GGCX: variants seen among roughly 807,000 people sequenced by gnomAD.
GGCX encodes gamma-glutamyl carboxylase.
GGCX carries 63 observed loss-of-function variants against 88.5 expected under a neutral mutation model. That is an observed-to-expected ratio of 0.71 (90% CI 0.58 to 0.88). The LOEUF is 0.88. Ranked by LOEUF, GGCX falls within the 40% of genes least tolerant of loss-of-function variation. The pLI, the probability that GGCX is intolerant of heterozygous loss-of-function variation, is 0.00. For synonymous variants in GGCX, 368 were observed against 365.8 expected, an observed-to-expected ratio of 1.01 and a Z score of -0.07; for missense variants, 805 against 932.9, an observed-to-expected ratio of 0.86 and a Z score of 1.79.
chr2:85,560,848 G>T lies in GGCX; in HGVS notation c.181C>A (p.Pro61Thr), dbSNP rs1692410255. The T allele has an allele frequency of 1.2e-6, 2 of 1,613,946 alleles. No individual in the cohort carries two copies. Among genetic ancestry groups the T allele is most frequent in the African/African-American group, 2.7e-5 (2 of 74,900 alleles). ...LVTLLNRPTDPASLAVFRFLF... is the reference protein window; with the variant it reads ...LVTLLNRPTDTASLAVFRFLF... ...AAACGAAAGACAGCTAAGCTTGCAG[G>T]GTCCGTTGGTCGATTCAGCAGGGTC... Residue 61 changes from proline (P) to threonine (T), a missense_variant, in exon 2 of 15, where the codon CCT becomes ACT. Around this residue, in one of 3 missense-constraint regions of GGCX, gnomAD observed 61 missense variants for 111.9 expected, o/e 0.54. Transcript: ENST00000233838.
intron 2 of GGCX, among the ~76,000 whole-genome samples, chr2:85,560,078 G>C (rs1443099671): frequency 6.6e-6 from 1 of 152,158 alleles, no homozygotes; most frequent in African/African-American, 2.4e-5. Context: ...ACTCCCTCCA[G>C]TTGAGAACTA....
Position 85,550,147 on chromosome 2 carries a change from G to A in GGCX, c.2085-21C>T, listed in dbSNP as rs2028898. ...GGAAGCTGAAAAACAGGAAAAAGCC[G>A]ACCAAGTTCAAACTCCTGTTTCACC... On this transcript the variant is annotated intron_variant, in intron 14 of 14. Transcript: ENST00000233838. The A allele has an allele frequency of 0.28, 441,029 of 1,593,924 alleles. 62,481 individuals are homozygous for A. The highest frequency in any genetic ancestry group is 0.36 in the African/African-American group (26,693 of 74,536).
intron 4 of GGCX, among the ~76,000 whole-genome samples, chr2:85,557,523 T>C (rs1420297808): frequency 6.6e-6 from 1 of 152,190 alleles, no homozygotes; most frequent in East Asian, 1.9e-4. Flanking sequence ...TTCAGAGATA[T>C]TCTATCAAAA....
At chr2:85,559,542 G>A (rs554234525) in intron 2 of GGCX, among the ~76,000 whole-genome samples, 37 of 151,966 alleles carry the variant, frequency 2.4e-4, no homozygotes, top group Admixed American at 9.8e-4. Context: ...GAAAAACCCC[G>A]TCTCTACTTA....
rs1340456342 is a variant in GGCX, at chr2:85,553,291, A to G, written c.1096T>C (p.Phe366Leu). 3 of 1,614,094 alleles carry G rather than the reference A, an allele frequency of 1.9e-6. No individual in the cohort carries two copies. Among genetic ancestry groups the G allele is most frequent in the Non-Finnish European group, 2.5e-6 (3 of 1,179,990 alleles). The change falls in exon 8 of 15, where the codon TTC becomes CTC. Residue 366 changes from phenylalanine to leucine, a missense_variant. Transcript: ENST00000233838. ...PGLRHQLGAA[F>L]TLLYLLEQLF... The stretch of plus-strand genomic sequence containing the variant: ...TGCTCCAGGAGGTAGAGCAGGGTGA[A>G]GGCAGCTCCCAGCTGATGGCGCAGC...
At chr2:85,557,501 A>G (rs977830898) in intron 4 of GGCX, among the ~76,000 whole-genome samples, 3 of 152,194 alleles carry the variant, frequency 2.0e-5, no homozygotes, top group African/African-American at 7.2e-5. Flanking sequence ...AAATATCCCC[A>G]CAACGGAACT....
intron 1 of GGCX, 104 bp downstream of exon 1, chr2:85,561,282 C>G (rs866838745): frequency 1.4e-5 from 9 of 639,434 alleles, no homozygotes; most frequent in Admixed American, 1.1e-4. Flanking sequence ...ACAGAGGACC[C>G]CCCCCCCGCC....
At position 85,561,402 on chromosome 2, in the gene GGCX, C is replaced by G; in HGVS notation, c.27G>C (p.Arg9=). 1.9e-6 allele frequency: 3 copies of G among 1,571,722 alleles called. No individual in the cohort carries two copies. Among genetic ancestry groups the G allele is most frequent in the Non-Finnish European group, 2.6e-6 (3 of 1,158,924 alleles). MAVSAGSA[R]TSPSSDKVQK... ...TAAGCCTACCTGAGCTGGGCGAGGT[C>G]CGCGCGGACCCGGCAGACACCGCCA... The change falls in exon 1 of 15, where the codon CGG becomes CGC. Residue 9 remains arginine, a synonymous_variant. Transcript: ENST00000233838.
At position 85,551,084 on chromosome 2, in the gene GGCX, G is replaced by A. The variant is rs747078974; in HGVS notation, c.1741-12C>T. 4 of 1,612,636 alleles carry A rather than the reference G, an allele frequency of 2.5e-6. No individual in the cohort carries two copies. Among genetic ancestry groups the A allele is most frequent in the Non-Finnish European group, 3.4e-6 (4 of 1,178,798 alleles). ...TCACCAGCAGGCAACTGACAAGGGA[G>A]AAGAAATGGATAAATTTCATCAGCT... On this transcript the variant is annotated splice_polypyrimidine_tract_variant and intron_variant, in intron 12 of 14. Transcript: ENST00000233838.
At position 85,544,961 on chromosome 2, in the gene GGCX, C is replaced by T. The variant is rs1459993932; in HGVS notation, c.*4973G>A. On this transcript the variant is annotated 3_prime_UTR_variant, in exon 15 of 15. Coordinates refer to ENST00000233838, the MANE Select transcript of GGCX (RefSeq NM_000821.7). Reference sequence around the variant, plus strand: ...AGATTTTTTTTTTTTCTCTCAACACCATGATTCCTTTAACAACATGTTTCC... The same window carrying T: ...AGATTTTTTTTTTTTCTCTCAACACTATGATTCCTTTAACAACATGTTTCC... 1 of 152,222 alleles carries T rather than the reference C, an allele frequency of 6.6e-6. No individual in the cohort carries two copies. The highest frequency in any genetic ancestry group is 2.4e-5 in the African/African-American group (1 of 41,294). 9.4% of individuals were successfully genotyped at this position (152,222 alleles called of 1,614,324 possible).
rs770771271 is a variant in GGCX, at chr2:85,550,958, G to C, written c.1855C>G (p.Gln619Glu). 6.2e-7 allele frequency: 1 copy of C among 1,614,030 alleles called. No homozygotes were observed. Among genetic ancestry groups the C allele is most frequent in the Non-Finnish European group, 8.5e-7 (1 of 1,179,964 alleles). Reference sequence around the variant, plus strand: ...TTCTCCACCTTTTCCTTTAATTCTTGCAGATATGCCAGGTCTTGCTCCAGT... The same window carrying C: ...TTCTCCACCTTTTCCTTTAATTCTTCCAGATATGCCAGGTCTTGCTCCAGT... ...LALEQDLAYL[Q>E]ELKEKVENGS... Residue 619 changes from glutamine (Q) to glutamate (E), a missense_variant, in exon 13 of 15, where the codon CAA (glutamine) becomes GAA (glutamate). Physicochemically the swap from Gln to Glu is conservative, Grantham distance 29. Around this residue, in one of 3 missense-constraint regions of GGCX, gnomAD observed 680 missense variants for 763.7 expected, o/e 0.89. Coordinates refer to ENST00000233838, the MANE Select transcript of GGCX (RefSeq NM_000821.7).
intron 7 of GGCX, 105 bp downstream of exon 7, chr2:85,554,038 T>C (rs935404579): frequency 2.2e-6 from 2 of 896,312 alleles, no homozygotes; most frequent in Non-Finnish European, 3.8e-6. Context: ...GGGTTCAATT[T>C]AGCTCCTGCT....
rs1333611196 is a variant in GGCX at position 85,552,623 on chromosome 2, T to TC, written c.1288-57dup. ...CATCATTATCAACTTCCAAGACATG[T>TC]CATGCACTGCCAATGGCACAACGAG... On this transcript the variant is annotated intron_variant, in intron 9 of 14. Transcript: ENST00000233838. 2.0e-6 allele frequency: 3 copies of TC among 1,501,598 alleles called. No individual in the cohort carries two copies. In the African/African-American group the frequency reaches 4.1e-5, roughly 21 times the overall value. 93.0% of individuals were successfully genotyped at this position (1,501,598 alleles called of 1,614,324 possible). A position where few individuals can be genotyped will look rare whatever the true frequency, so the allele number is the denominator to read the frequency against.
chr2:85,560,905 A>G lies in GGCX; in HGVS notation c.124T>C (p.Trp42Arg), dbSNP rs1428966562. 1 of 1,613,940 alleles carries G rather than the reference A, an allele frequency of 6.2e-7. No homozygotes were observed. Among genetic ancestry groups the G allele is most frequent in the East Asian group, 2.2e-5 (1 of 44,884 alleles). Residue 42 changes from tryptophan to arginine, a missense_variant, in exon 2 of 15, where the codon TGG (tryptophan) becomes CGG (arginine). Physicochemically the swap from Trp to Arg is moderately radical, Grantham distance 101. This residue lies in a region of GGCX where 64 missense variants were observed against 57.4 expected (regional missense o/e 1.12). Coordinates refer to ENST00000233838, the MANE Select transcript of GGCX (RefSeq NM_000821.7). ...SRIGKLLGFEWTDLSSWRRLV... is the reference protein window; with the variant it reads ...SRIGKLLGFERTDLSSWRRLV... ...CTCCGCCAACTGGACAAATCTGTCC[A>G]CTCAAAACCCAAGAGTTTCCCTATT...
At position 85,551,019 on chromosome 2, in the gene GGCX, G is replaced by T. The variant is rs753212379; in HGVS notation, c.1794C>A (p.Cys598Ter). The change falls in exon 13 of 15, where the codon TGC becomes TGA. Residue 598 changes from cysteine to a stop codon, truncating the protein, a stop_gained. Coordinates refer to ENST00000233838, the MANE Select transcript of GGCX (RefSeq NM_000821.7). LOFTEE classifies it high-confidence loss of function. ...TAGTGTTGACATAGACGTACATGTA[G>T]CAAGAAGGGCTAGGTGATGTCGTAT... is the stretch of plus-strand genomic sequence containing the variant. Reference protein sequence around the residue: ...KVYTTSPSPSCYMYVYVNTTE... With the variant: ...KVYTTSPSPS 6.8e-6 allele frequency: 11 copies of T among 1,613,352 alleles called. No individual in the cohort carries two copies. Among genetic ancestry groups the T allele is most frequent in the Non-Finnish European group, 9.3e-6 (11 of 1,179,372 alleles).
At chr2:85,554,691 C>T (rs545576149) in intron 6 of GGCX, among the ~76,000 whole-genome samples, 1 of 152,186 alleles carries the variant, frequency 6.6e-6, no homozygotes, top group Non-Finnish European at 1.5e-5. Flanking sequence ...TGGTCTTGAA[C>T]TCCTGGGCTC....
intron 4 of GGCX, among the ~76,000 whole-genome samples, chr2:85,557,233 T>C (rs982240497): frequency 9.2e-5 from 14 of 152,230 alleles, no homozygotes; most frequent in African/African-American, 3.1e-4. Flanking sequence ...AAACCCTGAA[T>C]AAATGATAAG....
chr2:85,552,661 T>C, intron 9 of GGCX, 94 bp from the exon 10 acceptor site: 1 of 1,266,286 alleles, frequency 7.9e-7, no homozygotes, highest in Non-Finnish European at 1.2e-6. Context: ...CCCTGCCTGC[T>C]GCCCATTCTG....
At chr2:85,560,051 G>A (rs1692364523) in intron 2 of GGCX, among the ~76,000 whole-genome samples, 1 of 152,130 alleles carries the variant, frequency 6.6e-6, no homozygotes, top group Non-Finnish European at 1.5e-5. Context: ...ATTGCCAAAT[G>A]TCTCCCAGGG....
Sources: allele counts gnomAD v4.1 joint callset (sites outside exome capture counted in the v4.1 genomes callset), GRCh38; gene constraint gnomAD v4.1.1; regional missense constraint gnomAD v4.1.1; transcripts MANE v1.5; gene names NCBI Gene and HGNC (gene_info 2026-07-23, HGNC 2026-07-21).